The following TIGAR variants were observed in gnomAD, a reference collection of about 807,000 sequenced individuals.
TIGAR encodes the protein TP53 induced glycolysis regulatory phosphatase.
A neutral mutation model predicts 17.9 loss-of-function variants in TIGAR; 7 were observed. That is an observed-to-expected ratio of 0.39 (90% CI 0.22 to 0.73). TIGAR has a LOEUF of 0.73. Among genes scored for constraint, TIGAR ranks in the 30% least tolerant of loss-of-function variants. The pLI is 0.42. For missense variants in TIGAR, 258 were observed against 327.4 expected, an observed-to-expected ratio of 0.79 and a Z score of 1.64; for synonymous variants, 94 against 108.6, an observed-to-expected ratio of 0.87 and a Z score of 0.84.
At chr12:4,340,526 C>T (rs1315052917) in intron 3 of TIGAR, among the ~76,000 whole-genome samples, 1 of 152,202 alleles carries the variant, frequency 6.6e-6, no homozygotes, top group African/African-American at 2.4e-5. Context: ...CAATGACATT[C>T]TTCACAGAAG....
At chr12:4,339,533 C>T (rs1780876282) in intron 3 of TIGAR, among the ~76,000 whole-genome samples, 1 of 152,184 alleles carries the variant, frequency 6.6e-6, no homozygotes, top group South Asian at 2.1e-4. Flanking sequence ...GGGAATACTT[C>T]CAAACTTATT....
chr12:4,322,823 T>C (rs1864495025), intron 1 of TIGAR, among the ~76,000 whole-genome samples: 2 of 152,174 alleles, frequency 1.3e-5, no homozygotes, highest in Admixed American at 1.3e-4. Flanking sequence ...CCCTCTCGGT[T>C]GTATAGAATG....
intron 2 of TIGAR, among the ~76,000 whole-genome samples, chr12:4,332,087 C>T (rs532665342): frequency 6.6e-6 from 1 of 152,172 alleles, no homozygotes; most frequent in Admixed American, 6.5e-5. Flanking sequence ...TACCACCTGG[C>T]CTTTGGTATT....
rs1162886931 is a variant in TIGAR at position 4,321,590 on chromosome 12, T to G, written c.32+287T>G. Among the ~76,000 whole-genome samples the G allele has an allele frequency of 6.6e-6, 1 of 152,170 alleles. No individual in the cohort carries two copies. The highest frequency in any genetic ancestry group is 1.5e-5 in the Non-Finnish European group (1 of 68,028). On this transcript the variant is annotated intron_variant, in intron 1 of 5. Coordinates refer to ENST00000179259, the MANE Select transcript of TIGAR (RefSeq NM_020375.3). The surrounding 1 kb of genome is among the most constrained non-coding windows in gnomAD (Gnocchi z 5.2). The stretch of plus-strand genomic sequence containing the variant: ...CAAGGGATCGGGGTTCGTAGGCACT[T>G]GGTGGCTGCACCAAAAACGGTGCCA...
At chr12:4,345,774 T>C (rs1864772289) in intron 3 of TIGAR, among the ~76,000 whole-genome samples, 1 of 152,100 alleles carries the variant, frequency 6.6e-6, no homozygotes, top group African/African-American at 2.4e-5. Flanking sequence ...CTAATTAAAC[T>C]AAAGAGCTTC....
chr12:4,350,060 T>C (rs1365131150), intron 4 of TIGAR, among the ~76,000 whole-genome samples, 164 bp downstream of exon 4: 1 of 152,198 alleles, frequency 6.6e-6, no homozygotes, highest in East Asian at 1.9e-4. Flanking sequence ...CCCTCGTATA[T>C]AGGATCTTAT....
At position 4,353,811 on chromosome 12, in the gene TIGAR, G is replaced by GTGACAGAGGGGATGACAGAGGGGA. The variant is rs146638352; in HGVS notation, c.*1142_*1143insGATGACAGAGGGGATGACAGAGGG. 2 of 150,732 alleles carry GTGACAGAGGGGATGACAGAGGGGA rather than the reference G, an allele frequency of 1.3e-5. No homozygotes were observed. Among genetic ancestry groups the GTGACAGAGGGGATGACAGAGGGGA allele is most frequent in the Non-Finnish European group, 2.9e-5 (2 of 67,982 alleles). 9.3% of individuals were successfully genotyped at this position (150,732 alleles called of 1,614,324 possible). A position where few individuals can be genotyped will look rare whatever the true frequency, so the allele number is the denominator to read the frequency against. ...ATCGCACCACTTCACTCCAGCCTAG[G>GTGACAGAGGGGATGACAGAGGGGA]TGACAGAGGGGATGACAGAGGGTGC... is the stretch of plus-strand genomic sequence containing the variant. On this transcript the variant is annotated 3_prime_UTR_variant, in exon 6 of 6. Coordinates refer to ENST00000179259, the MANE Select transcript of TIGAR (RefSeq NM_020375.3).
intron 5 of TIGAR, 39 bp from the exon 6 acceptor site, chr12:4,352,221 A>G (rs777920873): frequency 6.4e-7 from 1 of 1,554,620 alleles, no homozygotes; most frequent in Non-Finnish European, 8.7e-7. Flanking sequence ...GGAAGTCATT[A>G]ATGTCACTTT....
In TIGAR at chr12:4,336,446, G is replaced by GCACACA. The variant is rs10595001; in HGVS notation, c.71-549_71-544dup. 9.4e-3 allele frequency among the ~76,000 whole-genome samples: 1,301 copies of GCACACA among 138,522 alleles called. 11 individuals are homozygous for GCACACA. The highest frequency in any genetic ancestry group is 0.016 in the African/African-American group (579 of 36,952). 90.9% of individuals were successfully genotyped at this position (138,522 alleles called of 152,430 possible). On this transcript the variant is annotated intron_variant, in intron 2 of 5. Coordinates refer to ENST00000179259, the MANE Select transcript of TIGAR (RefSeq NM_020375.3). ...TATGTTCTGTGGGCCCAGCAATGCA[G>GCACACA]CACACACACACACACACACACACAC... is the stretch of plus-strand genomic sequence containing the variant.
chr12:4,334,941 T>C (rs976799424), intron 2 of TIGAR, among the ~76,000 whole-genome samples: 1 of 150,334 alleles, frequency 6.7e-6, no homozygotes, highest in Non-Finnish European at 1.5e-5. Context: ...CTAGGAGGAA[T>C]TTTTTTTTTA....
In TIGAR at chr12:4,352,788, C is replaced by T. The variant is rs1864851678; in HGVS notation, c.*97C>T. 4.9e-6 allele frequency: 6 copies of T among 1,221,598 alleles called. No homozygotes were observed. The highest frequency in any genetic ancestry group is 6.7e-6 in the Non-Finnish European group (6 of 896,032). The allele number at this position is 1,221,598 out of a possible 1,614,324, so 75.7% of individuals were successfully genotyped here. ...TCCTCTGCTAGTTCTGATTTGGAAA[C>T]AGTTAAAAGCCAATTTTTAGCTCCA... On this transcript the variant is annotated 3_prime_UTR_variant, in exon 6 of 6. Coordinates refer to ENST00000179259, the MANE Select transcript of TIGAR (RefSeq NM_020375.3).
intron 2 of TIGAR, among the ~76,000 whole-genome samples, chr12:4,332,726 A>G (rs1176284563): frequency 6.6e-6 from 1 of 152,198 alleles, no homozygotes; most frequent in East Asian, 1.9e-4. Flanking sequence ...TGTGTTAATT[A>G]TGGTCAGTTT....
Position 4,352,655 on chromosome 12 carries a change from A to C in TIGAR, c.777A>C (p.Leu259=), listed in dbSNP as rs781255443. The change falls in exon 6 of 6, where the codon CTA becomes CTC. Residue 259 remains leucine, a synonymous_variant. Coordinates refer to ENST00000179259, the MANE Select transcript of TIGAR (RefSeq NM_020375.3). ...CGGTTCAGTGTATTTGTATGAACCTACAGGATCATCTAAATGGACTGACTG... is the reference window on the plus strand; with the variant it reads ...CGGTTCAGTGTATTTGTATGAACCTCCAGGATCATCTAAATGGACTGACTG... ...KPTVQCICMN[L]QDHLNGLTET... 1 of 1,603,862 alleles carries C rather than the reference A, an allele frequency of 6.2e-7. No individual in the cohort carries two copies. Among genetic ancestry groups the C allele is most frequent in the Non-Finnish European group, 8.5e-7 (1 of 1,179,958 alleles).
chr12:4,324,259 C>G (rs148117136), intron 1 of TIGAR: 24 of 629,302 alleles, frequency 3.8e-5, no homozygotes, highest in African/African-American at 2.4e-4. Context: ...ACTGAAGGGT[C>G]TGGTTCCTTG....
At chr12:4,332,238 CTTTT>C (rs777711454) in intron 2 of TIGAR, among the ~76,000 whole-genome samples, 1 of 95,362 alleles carries the variant, frequency 1.0e-5, no homozygotes, top group Non-Finnish European at 1.9e-5. Flanking sequence ...TCATGTATTT[CTTTT>C]TTTTTTTTTT....
chr12:4,324,149 A>G (rs941156023), intron 1 of TIGAR, among the ~76,000 whole-genome samples: 8 of 152,198 alleles, frequency 5.3e-5, no homozygotes, highest in Non-Finnish European at 8.8e-5. Context: ...ATTCAAGTCT[A>G]TCATCATTGT....
chr12:4,337,465 T>C (rs185898558), intron 3 of TIGAR, among the ~76,000 whole-genome samples: 1 of 152,234 alleles, frequency 6.6e-6, no homozygotes, highest in Admixed American at 6.5e-5. Flanking sequence ...CAGCAACAGG[T>C]GAGTTTAGAG....
At chr12:4,351,444 G>T in intron 5 of TIGAR, 67 bp downstream of exon 5, 2 of 1,349,894 alleles carry the variant, frequency 1.5e-6, no homozygotes, top group South Asian at 1.2e-5. Flanking sequence ...TGGAATTTTA[G>T]CTAAGCAGTT....
chr12:4,321,393 C>A lies in TIGAR; in HGVS notation c.32+90C>A, dbSNP rs770463879. The A allele has an allele frequency of 4.5e-6, 7 of 1,561,708 alleles. No individual in the cohort carries two copies. Among genetic ancestry groups the A allele is most frequent in the Non-Finnish European group, 6.1e-6 (7 of 1,149,742 alleles). ...GGGAAAACGGGTCCACCACCCTCTCCCCTCCCTGCTCGCTCCAGCCCGGGA... is the reference window on the plus strand; with the variant it reads ...GGGAAAACGGGTCCACCACCCTCTCACCTCCCTGCTCGCTCCAGCCCGGGA... On this transcript the variant is annotated intron_variant, in intron 1 of 5. Transcript: ENST00000179259. The surrounding 1 kb of genome is among the most constrained non-coding windows in gnomAD (Gnocchi z 5.2).
Sources: gnomAD v4.1 joint callset for allele counts (sites outside exome capture counted in the v4.1 genomes callset) on GRCh38, gnomAD v4.1.1 for gene constraint, Gnocchi (gnomAD v3.1) non-coding constraint, MANE v1.5 for transcripts, NCBI Gene and HGNC (gene_info 2026-07-23, HGNC 2026-07-21) for gene names.